Variants in RUNDC3B observed in about 807,000 individuals in gnomAD.
RUNDC3B encodes RUN domain-containing protein 3B.
RUNDC3B carries 33 observed loss-of-function variants against 58.4 expected under a neutral mutation model. The ratio of observed to expected loss-of-function variants is 0.56; its 90% CI spans 0.43 to 0.75. The LOEUF (loss-of-function observed/expected upper bound fraction) is 0.75, where lower values mean the gene tolerates loss of function less well. Among genes scored for constraint, RUNDC3B ranks in the 30% least tolerant of loss-of-function variants. The probability of loss-of-function intolerance (pLI) is 0.00; values close to 1 mark genes in which losing one functional copy is unlikely to be tolerated. For synonymous variants in RUNDC3B, 193 were observed against 195.2 expected (o/e 0.99, Z 0.10); for missense variants, 501 against 535.7 (o/e 0.94, Z 0.64).
At chr7:87,718,937 A>G (rs577757575) in intron 4 of RUNDC3B, among the ~76,000 whole-genome samples, 1 of 152,224 alleles carries the variant, frequency 6.6e-6, no homozygotes, top group South Asian at 2.1e-4. Context: ...TTTGTAGATG[A>G]TAAGGTTTTG....
At chr7:87,797,354 C>A (rs778893354) in intron 8 of RUNDC3B, among the ~76,000 whole-genome samples, 25 of 152,052 alleles carry the variant, frequency 1.6e-4, no homozygotes, top group Non-Finnish European at 3.1e-4. Flanking sequence ...CTCTATGGGG[C>A]TGGGTTAAAT....
chr7:87,653,482 A>G (rs990033140), intron 2 of RUNDC3B, among the ~76,000 whole-genome samples: 2 of 152,104 alleles, frequency 1.3e-5, no homozygotes, highest in African/African-American at 2.4e-5. Flanking sequence ...CTGCTGAAGC[A>G]ATCTACTCAA....
At chr7:87,719,386 A>G (rs1283872530) in intron 4 of RUNDC3B, among the ~76,000 whole-genome samples, 2 of 151,904 alleles carry the variant, frequency 1.3e-5, no homozygotes, top group Non-Finnish European at 2.9e-5. Context: ...ACAAGTTGAT[A>G]CTGAAATTAC....
intron 7 of RUNDC3B, among the ~76,000 whole-genome samples, chr7:87,771,500 A>T (rs1457203549): frequency 6.6e-6 from 1 of 152,230 alleles, no homozygotes; most frequent in African/African-American, 2.4e-5. Flanking sequence ...AAGAATTCAG[A>T]CTAAGATAAT....
chr7:87,754,001 TAGGC>T (rs1464691395), intron 6 of RUNDC3B, among the ~76,000 whole-genome samples: 29 of 152,138 alleles, frequency 1.9e-4, no homozygotes, highest in African/African-American at 6.5e-4. Flanking sequence ...AAGAAAGCAA[TAGGC>T]AGGTCAGTGG....
intron 7 of RUNDC3B, among the ~76,000 whole-genome samples, chr7:87,777,570 C>A (rs1834702016): frequency 6.6e-6 from 1 of 152,046 alleles, no homozygotes; most frequent in Non-Finnish European, 1.5e-5. Flanking sequence ...TAAGTTTTGC[C>A]TCAAATTACA....
intron 4 of RUNDC3B, among the ~76,000 whole-genome samples, chr7:87,728,751 G>T (rs1323371679): frequency 6.6e-6 from 1 of 152,158 alleles, no homozygotes; most frequent in Non-Finnish European, 1.5e-5. Context: ...GTCAGGGCAT[G>T]GATATATTTT....
intron 1 of RUNDC3B, among the ~76,000 whole-genome samples, chr7:87,643,225 T>C (rs903779338): frequency 6.6e-6 from 1 of 152,110 alleles, no homozygotes; most frequent in Non-Finnish European, 1.5e-5. Flanking sequence ...TTCCTTTATT[T>C]TTAAGTTGAT....
chr7:87,779,774 C>T (rs1389911815), intron 8 of RUNDC3B, among the ~76,000 whole-genome samples: 2 of 151,524 alleles, frequency 1.3e-5, no homozygotes, highest in Non-Finnish European at 2.9e-5. Flanking sequence ...TCAGCCCTTA[C>T]CCCCCACCCT....
intron 8 of RUNDC3B, among the ~76,000 whole-genome samples, chr7:87,805,624 A>G (rs1836396557): frequency 1.3e-5 from 2 of 152,172 alleles, no homozygotes; most frequent in South Asian, 4.1e-4. Flanking sequence ...TTTTCCATTT[A>G]ATGAGGTATA....
chr7:87,817,615 G>A lies in RUNDC3B; in HGVS notation c.1225+1353G>A, dbSNP rs534419544. The stretch of plus-strand genomic sequence containing the variant: ...AGAGCTTCTTTCTTAAGGCCTTTGC[G>A]TGGTAGATTCTTTTCAAATGTCATC... On this transcript the variant is annotated intron_variant, in intron 10 of 10. Transcript: ENST00000394654. Among the ~76,000 whole-genome samples the A allele has an allele frequency of 1.4e-4, 22 of 152,194 alleles. No individual in the cohort carries two copies. In the South Asian group the frequency reaches 2.9e-3, roughly 20 times the overall value.
At chr7:87,793,963 C>T (rs1255838546) in intron 8 of RUNDC3B, among the ~76,000 whole-genome samples, 2 of 152,118 alleles carry the variant, frequency 1.3e-5, no homozygotes, top group East Asian at 3.8e-4. Context: ...ACTATTAAAA[C>T]TGATAAACAA....
At position 87,802,906 on chromosome 7, in the gene RUNDC3B, C is replaced by A. The variant is rs866339718; in HGVS notation, c.957-4467C>A. Among the ~76,000 whole-genome samples the A allele has an allele frequency of 3.9e-5, 6 of 152,100 alleles. No individual in the cohort carries two copies. The South Asian group carries it at 1.2e-3, about 32-fold the overall frequency. The stretch of plus-strand genomic sequence containing the variant: ...AGATGGAGGTGGGAGGATCACTTGA[C>A]CCTGGGAATTTGAGTTTGCAGAGAG... On this transcript the variant is annotated intron_variant, in intron 8 of 10. Transcript: ENST00000394654.
chr7:87,783,722 T>G (rs1453803064), intron 8 of RUNDC3B, among the ~76,000 whole-genome samples: 6 of 152,242 alleles, frequency 3.9e-5, no homozygotes, highest in African/African-American at 7.2e-5. Flanking sequence ...CAGTGATTGC[T>G]TGTCTGGAAA....
chr7:87,668,402 G>A (rs971225673), intron 2 of RUNDC3B, among the ~76,000 whole-genome samples: 24 of 151,650 alleles, frequency 1.6e-4, no homozygotes, highest in Non-Finnish European at 5.9e-5. Flanking sequence ...TCTAACTAGT[G>A]GCCTATTTTA....
intron 2 of RUNDC3B, among the ~76,000 whole-genome samples, chr7:87,653,102 A>G (rs922280634): frequency 6.6e-6 from 1 of 152,042 alleles, no homozygotes; most frequent in Non-Finnish European, 1.5e-5. Context: ...CAGATATATT[A>G]ATATTATTTG....
At chr7:87,766,557 C>A (rs1391071422) in intron 6 of RUNDC3B, among the ~76,000 whole-genome samples, 2 of 151,914 alleles carry the variant, frequency 1.3e-5, no homozygotes, top group Admixed American at 1.3e-4. Context: ...TCTAAGAAGG[C>A]TGAAAAAAGA....
chr7:87,824,968 G>A (rs949503344), intron 10 of RUNDC3B, among the ~76,000 whole-genome samples: 4 of 152,110 alleles, frequency 2.6e-5, no homozygotes, highest in Non-Finnish European at 5.9e-5. Flanking sequence ...ATAAGGGAAG[G>A]AGAGCATAAA....
intron 8 of RUNDC3B, among the ~76,000 whole-genome samples, chr7:87,781,343 T>G (rs1011510191): frequency 6.8e-6 from 1 of 146,506 alleles, no homozygotes; most frequent in Non-Finnish European, 1.5e-5. Flanking sequence ...TTTTATACCC[T>G]GAAACTTTAC....
Sources: gnomAD v4.1 joint callset for allele counts (sites outside exome capture counted in the v4.1 genomes callset) on GRCh38, gnomAD v4.1.1 for gene constraint, MANE v1.5 for transcripts, NCBI Gene and HGNC (gene_info 2026-07-23, HGNC 2026-07-21) for gene names.